The following AKAP19 variants were observed in gnomAD, a reference collection of about 807,000 sequenced individuals.
The protein encoded by AKAP19 is small A-kinase anchoring protein.
the AKAP19 span, among the ~76,000 whole-genome samples, chr2:189,892,105 A>G: frequency 6.6e-6 from 1 of 151,756 alleles, no homozygotes; most frequent in Admixed American, 6.6e-5. Context: ...TTCTTCTCTA[A>G]ACTGGTTATT....
At chr2:189,906,235 T>C in the AKAP19 span, among the ~76,000 whole-genome samples, 1 of 152,104 alleles carries the variant, frequency 6.6e-6, no homozygotes, top group African/African-American at 2.4e-5. Context: ...TTTGAACCTA[T>C]ATCTCAATTC....
At chr2:189,990,034 A>G in the AKAP19 span, among the ~76,000 whole-genome samples, 2 of 152,326 alleles carry the variant, frequency 1.3e-5, no homozygotes, top group African/African-American at 4.8e-5. Flanking sequence ...ATTTACATAG[A>G]AATCCAAGGA....
chr2:190,039,280 T>C, the AKAP19 span, among the ~76,000 whole-genome samples: 1 of 152,098 alleles, frequency 6.6e-6, no homozygotes, highest in Non-Finnish European at 1.5e-5. Flanking sequence ...AGTTTTGCCA[T>C]GTTGGCCAGG....
the AKAP19 span, among the ~76,000 whole-genome samples, chr2:190,135,381 A>G: frequency 6.6e-6 from 1 of 152,176 alleles, no homozygotes; most frequent in Non-Finnish European, 1.5e-5. Flanking sequence ...CCTATTCAAT[A>G]AGAATCTGCA....
the AKAP19 span, among the ~76,000 whole-genome samples, chr2:190,174,520 T>C: frequency 6.6e-6 from 1 of 152,206 alleles, no homozygotes; most frequent in African/African-American, 2.4e-5. Flanking sequence ...TTAAAAATCA[T>C]GAGCTAATAA....
the AKAP19 span, among the ~76,000 whole-genome samples, chr2:189,886,998 T>A: frequency 6.6e-6 from 1 of 152,310 alleles, no homozygotes; most frequent in East Asian, 1.9e-4. Context: ...TTAAATTTTT[T>A]TTATTATTAT....
At chr2:190,039,336 C>T in the AKAP19 span, among the ~76,000 whole-genome samples, 4 of 152,264 alleles carry the variant, frequency 2.6e-5, no homozygotes, top group East Asian at 7.7e-4. Flanking sequence ...GCCTCGGCCT[C>T]CCAAAATGCT....
the AKAP19 span, among the ~76,000 whole-genome samples, chr2:189,939,268 T>G: frequency 6.6e-6 from 1 of 152,174 alleles, no homozygotes; most frequent in African/African-American, 2.4e-5. Flanking sequence ...CAAAAACCCC[T>G]AGCCAGACTT....
At chr2:190,180,831 C>G in the AKAP19 span, 1 of 985,118 alleles carries the variant, frequency 1.0e-6, no homozygotes, top group African/African-American at 1.7e-5. This position sits in a 1 kb window ranked among gnomAD's most constrained non-coding sequence, Gnocchi z 6.8. Context: ...GGGCCGGGAG[C>G]CCGGGCGCCG....
chr2:190,104,683 A>G, the AKAP19 span, among the ~76,000 whole-genome samples: 1 of 152,130 alleles, frequency 6.6e-6, no homozygotes, highest in Non-Finnish European at 1.5e-5. Flanking sequence ...CCAGCTACTC[A>G]GATGGCTGAG....
At chr2:190,032,347 C>T in the AKAP19 span, among the ~76,000 whole-genome samples, 2 of 152,114 alleles carry the variant, frequency 1.3e-5, no homozygotes, top group East Asian at 3.9e-4. Flanking sequence ...TGATACAAAG[C>T]CTGTCACCTG....
chr2:190,005,741 G>A, the AKAP19 span, among the ~76,000 whole-genome samples: 1 of 152,190 alleles, frequency 6.6e-6, no homozygotes, highest in Non-Finnish European at 1.5e-5. Context: ...TCAAAAGGCA[G>A]TGCTGTTTTC....
the AKAP19 span, among the ~76,000 whole-genome samples, chr2:189,918,666 C>G: frequency 6.6e-6 from 1 of 152,022 alleles, no homozygotes; most frequent in African/African-American, 2.4e-5. Context: ...GTATATATCC[C>G]AAAGAATTGA....
At chr2:189,935,768 T>A in the AKAP19 span, among the ~76,000 whole-genome samples, 1 of 152,138 alleles carries the variant, frequency 6.6e-6, no homozygotes, top group South Asian at 2.1e-4. Flanking sequence ...TAATAGGAAT[T>A]CAATGACTTG....
chr2:190,158,034 GATTCC>G, the AKAP19 span, among the ~76,000 whole-genome samples: 1 of 152,218 alleles, frequency 6.6e-6, no homozygotes, highest in African/African-American at 2.4e-5. Flanking sequence ...GTTATTCATA[GATTCC>G]AGGTATTGTA....
the AKAP19 span, among the ~76,000 whole-genome samples, chr2:189,905,065 A>T: frequency 6.6e-6 from 1 of 152,010 alleles, no homozygotes; most frequent in African/African-American, 2.4e-5. Flanking sequence ...TCAATAAGTA[A>T]GATTTACAAA....
At chr2:189,910,477 C>A in the AKAP19 span, among the ~76,000 whole-genome samples, 1 of 151,800 alleles carries the variant, frequency 6.6e-6, no homozygotes, top group Non-Finnish European at 1.5e-5. Flanking sequence ...CTACTATAAA[C>A]CAAGAGCTTC....
the AKAP19 span, among the ~76,000 whole-genome samples, chr2:190,038,962 TTCTTCTTCTTTC>T: frequency 1.2e-4 from 17 of 145,614 alleles, no homozygotes; most frequent in African/African-American, 4.2e-4. Context: ...CTTCTTCTTC[TTCTTCTTCTTTC>T]TTCTTCTTCT....
chr2:189,890,558 C>T, the AKAP19 span, among the ~76,000 whole-genome samples: 4 of 152,088 alleles, frequency 2.6e-5, no homozygotes, highest in African/African-American at 4.8e-5. Flanking sequence ...GAGTCTAAGT[C>T]TCTTTGTAAG....
Sources: allele counts gnomAD v4.1 joint callset (sites outside exome capture counted in the v4.1 genomes callset), GRCh38; gene constraint gnomAD v4.1.1; non-coding constraint Gnocchi (gnomAD v3.1); transcripts MANE v1.5; gene names NCBI Gene and HGNC (gene_info 2026-07-23, HGNC 2026-07-21).